FOCAD: variants seen among roughly 807,000 people sequenced by gnomAD.
The protein encoded by FOCAD is KIAA1797.
In FOCAD, 198 loss-of-function variants were observed where a neutral mutation model predicts 225.6. The ratio of observed to expected loss-of-function variants is 0.88; its 90% CI spans 0.78 to 0.99. The LOEUF (loss-of-function observed/expected upper bound fraction) is 0.99. FOCAD is among the 50% of genes least tolerant of loss of function. FOCAD has a pLI of 0.00. For missense variants in FOCAD, 2,713 were observed against 2,123.6 expected, an observed-to-expected ratio of 1.28 and a Z score of -5.46; for synonymous variants, 897 against 755.0, an observed-to-expected ratio of 1.19 and a Z score of -3.08.
intron 19 of FOCAD, among the ~76,000 whole-genome samples, chr9:20,877,307 C>G (rs564351356): frequency 3.9e-5 from 6 of 152,172 alleles, no homozygotes; most frequent in African/African-American, 1.4e-4. Flanking sequence ...TATCTAAAGT[C>G]TAAAATCCTC....
rs1371523813 is a variant in FOCAD at position 20,735,406 on chromosome 9, A to G, written c.288-4830A>G. ...ATTTGAAAAATAATTGTATGTTCTGATATTCATGCATACCAAAGTTACTTG... is the reference window on the plus strand; with the variant it reads ...ATTTGAAAAATAATTGTATGTTCTGGTATTCATGCATACCAAAGTTACTTG... On this transcript the variant is annotated intron_variant, in intron 4 of 43. Transcript: ENST00000338382. Among the ~76,000 whole-genome samples, 4 of 152,082 alleles carry G rather than the reference A, an allele frequency of 2.6e-5. No individual in the cohort carries two copies. The East Asian group carries it at 5.8e-4, about 22-fold the overall frequency.
intron 36 of FOCAD, 81 bp from the exon 37 acceptor site, chr9:20,978,258 C>A: frequency 1.2e-6 from 1 of 832,768 alleles, no homozygotes; most frequent in East Asian, 3.0e-5. Context: ...TAAGCAGATG[C>A]TTTGATTTGA....
chr9:20,900,256 A>G (rs1023104640), intron 21 of FOCAD, among the ~76,000 whole-genome samples: 2 of 151,868 alleles, frequency 1.3e-5, no homozygotes, highest in South Asian at 2.1e-4. Context: ...GGCACATGCA[A>G]ATTTTCCTGT....
chr9:20,712,785 T>C (rs1187383563), intron 1 of FOCAD, among the ~76,000 whole-genome samples: 3 of 132,600 alleles, frequency 2.3e-5, no homozygotes, highest in Non-Finnish European at 3.1e-5. Flanking sequence ...CAGCCTGGAG[T>C]GCAGTGGCAC....
intron 7 of FOCAD, among the ~76,000 whole-genome samples, chr9:20,767,159 A>C (rs1369581380): frequency 2.0e-5 from 3 of 149,908 alleles, no homozygotes; most frequent in African/African-American, 4.9e-5. Context: ...TGAACTCATC[A>C]TTTTTTATGG....
At chr9:20,919,063 T>A (rs1834134558) in intron 24 of FOCAD, among the ~76,000 whole-genome samples, 1 of 152,152 alleles carries the variant, frequency 6.6e-6, no homozygotes, top group Admixed American at 6.5e-5. Flanking sequence ...ATGATCCTGA[T>A]TTGTTCATGT....
intron 35 of FOCAD, among the ~76,000 whole-genome samples, chr9:20,963,074 C>A (rs916120626): frequency 6.6e-6 from 1 of 152,166 alleles, no homozygotes; most frequent in Non-Finnish European, 1.5e-5. Context: ...CCAACAGCTA[C>A]TATAGTTCCT....
chr9:20,872,348 A>G (rs1829854820), intron 18 of FOCAD, among the ~76,000 whole-genome samples: 1 of 152,150 alleles, frequency 6.6e-6, no homozygotes, highest in Non-Finnish European at 1.5e-5. Context: ...GAAGGACAGG[A>G]TAGGAGGATA....
intron 1 of FOCAD, among the ~76,000 whole-genome samples, chr9:20,701,374 A>G (rs1325845693): frequency 1.3e-5 from 2 of 152,216 alleles, no homozygotes; most frequent in South Asian, 2.1e-4. Context: ...CACCTGTCAC[A>G]TGGTGAGGTT....
In FOCAD at chr9:20,881,938, C is replaced by T; in HGVS notation, c.2385C>T (p.His795=). 1 of 1,613,902 alleles carries T rather than the reference C, an allele frequency of 6.2e-7. No homozygotes were observed. The highest frequency in any genetic ancestry group is 8.5e-7 in the Non-Finnish European group (1 of 1,179,898). The change falls in exon 20 of 44, where the codon CAC becomes CAT. Residue 795 remains histidine, a synonymous_variant. Coordinates refer to ENST00000338382, the MANE Select transcript of FOCAD (RefSeq NM_001375567.1). ...EMVNMPRGIY[H]SALKGGARSD... The stretch of plus-strand genomic sequence containing the variant: ...TGAATATGCCTCGTGGGATATATCA[C>T]TCTGCATTAAAAGGAGGTGCCCGCT...
rs1827257000 is a variant in FOCAD, at chr9:20,737,644, C to A, written c.288-2592C>A. Among the ~76,000 whole-genome samples the A allele has an allele frequency of 1.3e-5, 2 of 152,140 alleles. 1 individual carries two copies. The highest frequency in any genetic ancestry group is 2.9e-5 in the Non-Finnish European group (2 of 68,030). On this transcript the variant is annotated intron_variant, in intron 4 of 43. Transcript: ENST00000338382. ...TAGTGACTCTTTCTCCAGGACAGAC[C>A]AAAGTAGACTCCCTATGATAGGCTT...
intron 35 of FOCAD, among the ~76,000 whole-genome samples, chr9:20,962,227 C>T (rs1227217568): frequency 6.6e-6 from 1 of 152,070 alleles, no homozygotes; most frequent in Non-Finnish European, 1.5e-5. Context: ...TATGTGTCAT[C>T]ATTTTCATAA....
In FOCAD at chr9:20,717,834, G is replaced by A; in HGVS notation, c.98G>A (p.Gly33Asp). The A allele has an allele frequency of 1.9e-6, 3 of 1,612,686 alleles. No individual in the cohort carries two copies. The highest frequency in any genetic ancestry group is 1.7e-5 in the Admixed American group (1 of 60,000). The change falls in exon 3 of 44, where the codon GGT becomes GAT. Residue 33 changes from glycine (G) to aspartate (D), a missense_variant. Coordinates refer to ENST00000338382, the MANE Select transcript of FOCAD (RefSeq NM_001375567.1). ...ATTGCTGCAGTCCTAAAGGAAAATG[G>A]TTTTTCAGAAAAGATTCACCAATCT... ...HLIAAVLKEN[G>D]FSEKIHQSTN...
intron 1 of FOCAD, among the ~76,000 whole-genome samples, chr9:20,705,491 A>T (rs1824307779): frequency 6.6e-6 from 1 of 152,176 alleles, no homozygotes; most frequent in Non-Finnish European, 1.5e-5. Flanking sequence ...CCATTCTGTG[A>T]TGTTTTACTA....
At chr9:20,918,582 G>A (rs975820187) in intron 24 of FOCAD, among the ~76,000 whole-genome samples, 2 of 152,084 alleles carry the variant, frequency 1.3e-5, no homozygotes, top group Non-Finnish European at 2.9e-5. Context: ...AAATTAGCCG[G>A]GCGTAATGGC....
At chr9:20,739,749 A>T (rs907266150) in intron 4 of FOCAD, among the ~76,000 whole-genome samples, 1 of 152,120 alleles carries the variant, frequency 6.6e-6, no homozygotes. Flanking sequence ...ATCTCTTACA[A>T]AAATAAGGAA....
At chr9:20,708,558 C>T (rs1036251315) in intron 1 of FOCAD, among the ~76,000 whole-genome samples, 1 of 151,956 alleles carries the variant, frequency 6.6e-6, no homozygotes, top group Non-Finnish European at 1.5e-5. Flanking sequence ...TCACTTGAGC[C>T]CAGGAGTTTG....
rs182127282 is a variant in FOCAD at position 20,799,448 on chromosome 9, G to C, written c.1455+9840G>C. Among the ~76,000 whole-genome samples the C allele has an allele frequency of 2.4e-3, 364 of 152,254 alleles. 2 individuals are homozygous for C. The highest frequency in any genetic ancestry group is 0.017 in the Middle Eastern group (5 of 294). ...ATCTGTCTAATGTTGACAGTGGGGT[G>C]TTAAAGTCTCCCATTATTATTGTGT... On this transcript the variant is annotated intron_variant, in intron 11 of 43. Coordinates refer to ENST00000338382, the MANE Select transcript of FOCAD (RefSeq NM_001375567.1).
chr9:20,793,274 A>C (rs146403470), intron 11 of FOCAD, among the ~76,000 whole-genome samples: 1 of 152,210 alleles, frequency 6.6e-6, no homozygotes, highest in Admixed American at 6.5e-5. Context: ...TATAAGGTCA[A>C]GTTGCATGTA....
Sources: allele counts gnomAD v4.1 joint callset (sites outside exome capture counted in the v4.1 genomes callset), GRCh38; gene constraint gnomAD v4.1.1; transcripts MANE v1.5; gene names NCBI Gene and HGNC (gene_info 2026-07-23, HGNC 2026-07-21).